Variants in FAM149B1 observed in about 807,000 individuals in gnomAD.
The protein encoded by FAM149B1 is family with sequence similarity 149 member B1.
Under a neutral mutation model 75.3 loss-of-function variants are expected in FAM149B1, and 56 were observed. The observed-to-expected ratio is 0.74, with a 90% CI of 0.60 to 0.93. The LOEUF (loss-of-function observed/expected upper bound fraction) is 0.93, where lower values mean the gene tolerates loss of function less well. Ranked by LOEUF, FAM149B1 falls within the 40% of genes least tolerant of loss-of-function variation. FAM149B1 has a pLI of 0.00. For missense variants in FAM149B1, 639 were observed against 708.4 expected (o/e 0.90, Z 1.11); for synonymous variants, 259 against 256.1 (o/e 1.01, Z -0.11).
At chr10:73,215,544 A>C (rs985777771) in intron 7 of FAM149B1, among the ~76,000 whole-genome samples, 2 of 152,112 alleles carry the variant, frequency 1.3e-5, no homozygotes, top group Non-Finnish European at 2.9e-5. Context: ...TTTTGATATA[A>C]GCATTTATTG....
chr10:73,232,567 TCAAA>T (rs1451026200), intron 9 of FAM149B1, among the ~76,000 whole-genome samples: 3 of 152,204 alleles, frequency 2.0e-5, no homozygotes, highest in African/African-American at 4.8e-5. Flanking sequence ...AAAGAATGCC[TCAAA>T]CAGAGTAGGA....
At chr10:73,178,045 A>T (rs1195376853) in intron 3 of FAM149B1, 70 bp downstream of exon 3, 28 of 1,412,342 alleles carry the variant, frequency 2.0e-5, no homozygotes, top group Non-Finnish European at 2.6e-5. Context: ...TTGTCAGTAT[A>T]TTTCATTCCT....
Position 73,243,597 on chromosome 10 carries a change from A to C in FAM149B1, c.*2578A>C. On this transcript the variant is annotated 3_prime_UTR_variant, in exon 14 of 14. Transcript: ENST00000242505. The stretch of plus-strand genomic sequence containing the variant: ...GTACCTAGTGGTTGCCAGGGGCTGG[A>C]AAAGTGGAATAACTACTAATGGGTA... 6.4e-7 allele frequency: 1 copy of C among 1,568,920 alleles called. No individual in the cohort carries two copies. The highest frequency in any genetic ancestry group is 8.7e-7 in the Non-Finnish European group (1 of 1,151,686).
rs1407403370 is a variant in FAM149B1, at chr10:73,235,282, C to G, written c.1566C>G (p.Asp522Glu). The change falls in exon 12 of 14, where the codon GAC becomes GAG. Residue 522 changes from aspartate (D) to glutamate (E), a missense_variant. Physicochemically the swap from Asp to Glu is conservative, Grantham distance 45 (BLOSUM62 2). Transcript: ENST00000242505. Reference sequence around the variant, plus strand: ...CACAAGAAAGGCTCCTTTTGCCCGACTTTTTCCCCAGGCCCAACACAACTC... The same window carrying G: ...CACAAGAAAGGCTCCTTTTGCCCGAGTTTTTCCCCAGGCCCAACACAACTC... ...QQPQERLLLPDFFPRPNTTQS... is the reference protein window; with the variant it reads ...QQPQERLLLPEFFPRPNTTQS... 6.4e-7 allele frequency: 1 copy of G among 1,551,962 alleles called. No homozygotes were observed. The highest frequency in any genetic ancestry group is 8.7e-7 in the Non-Finnish European group (1 of 1,147,024).
At chr10:73,194,672 T>C (rs2042758507) in intron 5 of FAM149B1, among the ~76,000 whole-genome samples, 1 of 149,440 alleles carries the variant, frequency 6.7e-6, no homozygotes, top group Non-Finnish European at 1.5e-5. Flanking sequence ...CTTTTTTTTT[T>C]CTTTTTTCTT....
At chr10:73,173,894 C>A (rs1039660454) in intron 1 of FAM149B1, among the ~76,000 whole-genome samples, 3 of 152,034 alleles carry the variant, frequency 2.0e-5, no homozygotes, top group Admixed American at 6.6e-5. Context: ...ACAGTTTAAA[C>A]CTGTGTTGTT....
intron 12 of FAM149B1, among the ~76,000 whole-genome samples, chr10:73,236,469 A>G (rs1428695750): frequency 7.0e-6 from 1 of 142,696 alleles, no homozygotes; most frequent in Non-Finnish European, 1.5e-5. Context: ...GGTGGAGTGT[A>G]ATGGCGCAAT....
chr10:73,170,420 C>G (rs1048329047), intron 1 of FAM149B1, among the ~76,000 whole-genome samples: 1 of 152,028 alleles, frequency 6.6e-6, no homozygotes, highest in Non-Finnish European at 1.5e-5. Flanking sequence ...ATGAGAATTG[C>G]TTGAACCTGG....
chr10:73,234,212 G>A (rs900007682), intron 10 of FAM149B1: 1 of 153,326 alleles, frequency 6.5e-6, no homozygotes, highest in Non-Finnish European at 1.5e-5. Flanking sequence ...TATACCAACA[G>A]AGCTATAAAT....
chr10:73,178,919 C>T (rs1328273769), intron 3 of FAM149B1, among the ~76,000 whole-genome samples: 1 of 152,020 alleles, frequency 6.6e-6, no homozygotes, highest in Non-Finnish European at 1.5e-5. Context: ...AATTTTTATG[C>T]ATAATTTTAT....
chr10:73,168,449 G>T, intron 1 of FAM149B1, 63 bp downstream of exon 1: 1 of 1,532,646 alleles, frequency 6.5e-7, no homozygotes, highest in South Asian at 1.2e-5. Context: ...GACCCTCCTT[G>T]ACCAGTCCTT....
intron 10 of FAM149B1, among the ~76,000 whole-genome samples, chr10:73,233,532 A>G (rs913289207): frequency 6.6e-6 from 1 of 152,064 alleles, no homozygotes; most frequent in Non-Finnish European, 1.5e-5. Flanking sequence ...TAGTAGAGAC[A>G]GGGGTCTTGT....
intron 5 of FAM149B1, chr10:73,200,765 A>C: frequency 6.5e-6 from 3 of 462,730 alleles, no homozygotes; most frequent in Non-Finnish European, 1.3e-5. Flanking sequence ...GTTTTATATC[A>C]GTGTTGAGCA....
rs1843872953 is a variant in FAM149B1 at position 73,174,771 on chromosome 10, G to A, written c.132G>A (p.Glu44=). The change falls in exon 2 of 14, where the codon GAG becomes GAA. Residue 44 remains glutamate, a synonymous_variant. Coordinates refer to ENST00000242505, the MANE Select transcript of FAM149B1 (RefSeq NM_173348.2). ...TTTCCCCCACCAGTGACAGTCATGA[G>A]AAAGACACAAGTTCCCAAAGGTAAT... The part of the protein sequence containing the change: ...EEISPTSDSH[E]KDTSSQSKSD... The A allele has an allele frequency of 1.3e-6, 2 of 1,549,896 alleles. No individual in the cohort carries two copies.
chr10:73,209,330 G>A (rs2043135243), intron 6 of FAM149B1, among the ~76,000 whole-genome samples: 1 of 151,996 alleles, frequency 6.6e-6, no homozygotes, highest in South Asian at 2.1e-4. Flanking sequence ...TGCCTCTAAT[G>A]TCAGCTACTT....
intron 7 of FAM149B1, among the ~76,000 whole-genome samples, chr10:73,226,720 C>T (rs1195481294): frequency 1.3e-5 from 2 of 152,172 alleles, no homozygotes; most frequent in Non-Finnish European, 2.9e-5. Flanking sequence ...TATTTAAGAG[C>T]TCAATAAATG....
At chr10:73,209,485 A>G (rs11594713) in intron 6 of FAM149B1, among the ~76,000 whole-genome samples, 1 of 152,192 alleles carries the variant, frequency 6.6e-6, no homozygotes, top group African/African-American at 2.4e-5. Context: ...AGAAAAAGGT[A>G]TAAACAGTTT....
intron 7 of FAM149B1, among the ~76,000 whole-genome samples, chr10:73,226,439 A>T (rs980655545): frequency 6.6e-6 from 1 of 152,136 alleles, no homozygotes; most frequent in Non-Finnish European, 1.5e-5. Flanking sequence ...TGGGAGGCAG[A>T]GCTTGCAGTG....
intron 10 of FAM149B1, among the ~76,000 whole-genome samples, chr10:73,233,555 G>A (rs1045700861): frequency 6.6e-6 from 1 of 152,084 alleles, no homozygotes; most frequent in Admixed American, 6.6e-5. Flanking sequence ...TGTTGCCCAG[G>A]CTGGTTTCAA....
Sources: gnomAD v4.1 joint callset for allele counts (sites outside exome capture counted in the v4.1 genomes callset) on GRCh38, gnomAD v4.1.1 for gene constraint, MANE v1.5 for transcripts, NCBI Gene and HGNC (gene_info 2026-07-23, HGNC 2026-07-21) for gene names.